Variants in CRPPA observed in about 807,000 individuals in gnomAD.
The protein encoded by CRPPA is CDP-L-ribitol pyrophosphorylase A.
In CRPPA, 43 loss-of-function variants were observed where a neutral mutation model predicts 52.0. The ratio of observed to expected loss-of-function variants is 0.83; its 90% CI spans 0.65 to 1.07. The LOEUF is 1.07. Ranked by LOEUF, CRPPA falls within the 50% of genes least tolerant of loss-of-function variation. The pLI is 0.00. For missense variants in CRPPA, 629 were observed against 551.7 expected, an observed-to-expected ratio of 1.14 and a Z score of -1.40; for synonymous variants, 250 against 203.5, an observed-to-expected ratio of 1.23 and a Z score of -1.94.
chr7:16,325,135 T>G (rs1785352720), intron 3 of CRPPA, among the ~76,000 whole-genome samples: 1 of 152,202 alleles, frequency 6.6e-6, no homozygotes, highest in African/African-American at 2.4e-5. Context: ...ATAATCTGGA[T>G]GAACTGGTTG....
chr7:16,269,914 T>C (rs1784052748), intron 6 of CRPPA: 1 of 152,186 alleles, frequency 6.6e-6, no homozygotes, highest in Non-Finnish European at 1.5e-5. Flanking sequence ...AAAAAATTAA[T>C]GACATGAAGT....
intron 2 of CRPPA, among the ~76,000 whole-genome samples, chr7:16,396,236 T>C (rs1787565165): frequency 6.6e-6 from 1 of 152,226 alleles, no homozygotes; most frequent in East Asian, 1.9e-4. Flanking sequence ...TGACCTGAAG[T>C]ATATTGATTA....
Position 16,421,278 on chromosome 7 carries a change from A to C in CRPPA, c.45T>G (p.Gly15=). 1 of 1,280,274 alleles carries C rather than the reference A, an allele frequency of 7.8e-7. No individual in the cohort carries two copies. The allele number at this position is 1,280,274 out of a possible 1,614,324, so 79.3% of individuals were successfully genotyped here. A position where few individuals can be genotyped will look rare whatever the true frequency, so the allele number is the denominator to read the frequency against. The change falls in exon 1 of 10, where the codon GGT becomes GGG. Residue 15 remains glycine, a synonymous_variant. Coordinates refer to ENST00000407010, the MANE Select transcript of CRPPA (RefSeq NM_001101426.4). ...PPGSARPAEP[G]PCLSGQRGAD... ...CGCCGCGCTGACCACTCAGGCAAGG[A>C]CCCGGCTCCGCCGGCCTGGCGCTGC... is the stretch of plus-strand genomic sequence containing the variant.
At chr7:16,240,572 TACACAC>T (rs71549978) in intron 8 of CRPPA, among the ~76,000 whole-genome samples, 22 of 148,120 alleles carry the variant, frequency 1.5e-4, no homozygotes, top group African/African-American at 3.7e-4. Flanking sequence ...TTATTACACA[TACACAC>T]ACACACACAC....
intron 5 of CRPPA, among the ~76,000 whole-genome samples, chr7:16,287,453 T>C (rs150985184): frequency 1.3e-5 from 2 of 152,272 alleles, no homozygotes; most frequent in South Asian, 2.1e-4. Flanking sequence ...TGTACTAGGA[T>C]CATGAGTAAC....
Position 16,167,411 on chromosome 7 carries a change from G to A in CRPPA, c.1251+48655C>T, listed in dbSNP as rs189860324. Among the ~76,000 whole-genome samples, 20 of 152,280 alleles carry A rather than the reference G, an allele frequency of 1.3e-4. No homozygotes were observed. The East Asian group carries it at 1.5e-3, about 12-fold the overall frequency. ...CTTTGGATATTTTCTGTCAGAAGGTGCCTATATATAAGAAGGTGATCAGTA... is the reference window on the plus strand; with the variant it reads ...CTTTGGATATTTTCTGTCAGAAGGTACCTATATATAAGAAGGTGATCAGTA... On this transcript the variant is annotated intron_variant, in intron 9 of 9. Coordinates refer to ENST00000407010, the MANE Select transcript of CRPPA (RefSeq NM_001101426.4).
intron 3 of CRPPA, among the ~76,000 whole-genome samples, chr7:16,316,490 A>G (rs6980295): frequency 0.17 from 25,154 of 151,976 alleles, 2,628 homozygotes; most frequent in South Asian, 0.44. Context: ...TCCTGAACAT[A>G]TATATGGTTT....
At chr7:16,288,633 G>A (rs1001858958) in intron 5 of CRPPA, among the ~76,000 whole-genome samples, 4 of 151,818 alleles carry the variant, frequency 2.6e-5, no homozygotes, top group Non-Finnish European at 5.9e-5. Flanking sequence ...ATCACCTGAG[G>A]TCAGGAGTTT....
intron 2 of CRPPA, among the ~76,000 whole-genome samples, chr7:16,384,166 T>C (rs552033524): frequency 6.6e-6 from 1 of 152,270 alleles, no homozygotes; most frequent in East Asian, 1.9e-4. Context: ...CCACTCATGA[T>C]GCAGTTAGCC....
chr7:16,112,149 T>G (rs535255375), intron 9 of CRPPA, among the ~76,000 whole-genome samples: 4 of 152,212 alleles, frequency 2.6e-5, no homozygotes, highest in Admixed American at 2.6e-4. Context: ...ACCCCATCTC[T>G]ACTAAAAATA....
intron 8 of CRPPA, among the ~76,000 whole-genome samples, chr7:16,255,061 T>C (rs1421960693): frequency 6.6e-6 from 1 of 152,068 alleles, no homozygotes; most frequent in African/African-American, 2.4e-5. Context: ...CAGCCCCAAA[T>C]CTCCTTAAGC....
At chr7:16,105,346 T>C (rs1390190817) in intron 9 of CRPPA, among the ~76,000 whole-genome samples, 1 of 152,188 alleles carries the variant, frequency 6.6e-6, no homozygotes, top group African/African-American at 2.4e-5. Flanking sequence ...TCCCTCATCC[T>C]CCTCTAAGAT....
intron 9 of CRPPA, among the ~76,000 whole-genome samples, chr7:16,137,077 G>C (rs10252279): frequency 5.7e-4 from 87 of 152,332 alleles, no homozygotes; most frequent in African/African-American, 2.0e-3. Context: ...CTCAATATTT[G>C]TGTTGCCCAA....
chr7:16,351,644 G>A (rs4370432), intron 3 of CRPPA, among the ~76,000 whole-genome samples: 66,765 of 151,798 alleles, frequency 0.44, 15,045 homozygotes, highest in South Asian at 0.59. Flanking sequence ...ACATTTATGC[G>A]GCCAAACATA....
At chr7:16,195,118 T>G (rs750041790) in intron 9 of CRPPA, among the ~76,000 whole-genome samples, 5 of 152,040 alleles carry the variant, frequency 3.3e-5, no homozygotes, top group Admixed American at 1.3e-4. Context: ...CAAATCAAAG[T>G]AAACCACACA....
chr7:16,287,973 T>G (rs1377670457), intron 5 of CRPPA, among the ~76,000 whole-genome samples: 3 of 151,442 alleles, frequency 2.0e-5, no homozygotes, highest in African/African-American at 7.3e-5. Flanking sequence ...GAAATAAATA[T>G]GTACACAGAC....
chr7:16,382,634 A>G (rs1412213932), intron 2 of CRPPA, among the ~76,000 whole-genome samples: 1 of 152,074 alleles, frequency 6.6e-6, no homozygotes, highest in Non-Finnish European at 1.5e-5. Flanking sequence ...TACACCAATC[A>G]GACGTAGATT....
At chr7:16,104,979 C>G (rs977800613) in intron 9 of CRPPA, among the ~76,000 whole-genome samples, 1 of 151,360 alleles carries the variant, frequency 6.6e-6, no homozygotes, top group African/African-American at 2.4e-5. Context: ...GTATTATATA[C>G]ATAGAAGACA....
intron 9 of CRPPA, among the ~76,000 whole-genome samples, chr7:16,183,627 C>A (rs1016215914): frequency 3.3e-5 from 5 of 152,120 alleles, no homozygotes; most frequent in African/African-American, 1.2e-4. Context: ...TCTGGACACT[C>A]TAGTGTTTCA....
Sources: allele counts gnomAD v4.1 joint callset (sites outside exome capture counted in the v4.1 genomes callset), GRCh38; gene constraint gnomAD v4.1.1; transcripts MANE v1.5; gene names NCBI Gene and HGNC (gene_info 2026-07-23, HGNC 2026-07-21).